The following ACACB variants were observed in gnomAD, a reference collection of about 807,000 sequenced individuals.
The protein encoded by ACACB is acetyl-CoA carboxylase 2.
Under a neutral mutation model 278.8 loss-of-function variants are expected in ACACB, and 209 were observed. The ratio of observed to expected loss-of-function variants is 0.75; its 90% CI spans 0.67 to 0.84. ACACB has a LOEUF of 0.84. Ranked by LOEUF, ACACB falls within the 40% of genes least tolerant of loss-of-function variation. ACACB has a pLI of 0.00. For missense variants in ACACB, 2,850 were observed against 3,269.0 expected (o/e 0.87, Z 3.13); for synonymous variants, 1,174 against 1,285.6 (o/e 0.91, Z 1.86).
intron 46 of ACACB, 49 bp downstream of exon 46, chr12:109,258,413 G>A (rs565513116): frequency 3.6e-5 from 54 of 1,510,768 alleles, no homozygotes; most frequent in Middle Eastern, 2.3e-4. Flanking sequence ...CGGTACTGTC[G>A]AGAGTGGGTC....
chr12:109,170,881 G>T (rs1222808126), intron 4 of ACACB, among the ~76,000 whole-genome samples: 1 of 151,986 alleles, frequency 6.6e-6, no homozygotes, highest in African/African-American at 2.4e-5. Context: ...CTGTCACCCA[G>T]GCTGGAGCGC....
At chr12:109,167,418 C>A in intron 3 of ACACB, 1 of 156,976 alleles carries the variant, frequency 6.4e-6, no homozygotes, top group Non-Finnish European at 1.4e-5. Flanking sequence ...GACGACATGA[C>A]AAAATCCTGT....
intron 37 of ACACB, among the ~76,000 whole-genome samples, chr12:109,243,634 T>C (rs1437377912): frequency 1.3e-5 from 2 of 152,052 alleles, no homozygotes; most frequent in African/African-American, 4.8e-5. Context: ...TAATGTTTTA[T>C]TATGTTTTTC....
chr12:109,222,384 G>A, intron 24 of ACACB, 123 bp from the exon 25 acceptor site: 2 of 795,326 alleles, frequency 2.5e-6, no homozygotes, highest in Admixed American at 4.0e-5. Context: ...GCTGTGCTGG[G>A]CCTGTTTGGA....
intron 2 of ACACB, among the ~76,000 whole-genome samples, chr12:109,156,486 CTA>C (rs975371753): frequency 4.6e-5 from 7 of 151,636 alleles, no homozygotes; most frequent in African/African-American, 7.3e-5. Flanking sequence ...AATGGTTGTG[CTA>C]TTGCACTCCA....
intron 47 of ACACB, chr12:109,259,988 A>G (rs183115289): frequency 1.8e-6 from 2 of 1,102,362 alleles, no homozygotes; most frequent in African/African-American, 1.6e-5. Context: ...GGGCCGAGGT[A>G]AGAGTCTGAT....
chr12:109,197,930 T>C (rs140056073), intron 17 of ACACB, among the ~76,000 whole-genome samples: 52 of 152,288 alleles, frequency 3.4e-4, no homozygotes, highest in African/African-American at 1.0e-3. Context: ...GGTCTCGCTC[T>C]GTCACCCAGG....
chr12:109,114,281 T>C (rs1035408604), upstream of ACACB, among the ~76,000 whole-genome samples: 1 of 152,162 alleles, frequency 6.6e-6, no homozygotes, highest in African/African-American at 2.4e-5. Context: ...GTTCTCTGCT[T>C]GTTAGTTGTG....
intron 9 of ACACB, 37 bp from the exon 10 acceptor site, chr12:109,179,050 TC>T: frequency 6.3e-7 from 1 of 1,589,494 alleles, no homozygotes; most frequent in Non-Finnish European, 8.6e-7. Context: ...AGAGCTGGTT[TC>T]CCCATGAAGA....
At chr12:109,198,794 T>C (rs959714538) in intron 17 of ACACB, among the ~76,000 whole-genome samples, 1 of 152,144 alleles carries the variant, frequency 6.6e-6, no homozygotes, top group Admixed American at 6.5e-5. Context: ...CTATTTTTTT[T>C]TTTTTATTTT....
chr12:109,164,875 G>A (rs1178983696), intron 2 of ACACB, among the ~76,000 whole-genome samples: 7 of 151,664 alleles, frequency 4.6e-5, no homozygotes, highest in Non-Finnish European at 8.8e-5. Context: ...GAGCCACCAC[G>A]CCTGGCCCTG....
intron 18 of ACACB, among the ~76,000 whole-genome samples, chr12:109,200,953 G>T (rs968621810): frequency 1.3e-5 from 2 of 151,208 alleles, no homozygotes; most frequent in Admixed American, 1.3e-4. Flanking sequence ...CAGAGGTATT[G>T]GTGGGGGCAG....
At chr12:109,191,997 G>A (rs376058149) in intron 15 of ACACB, 47 bp downstream of exon 15, 46 of 1,577,220 alleles carry the variant, frequency 2.9e-5, no homozygotes, top group African/African-American at 9.4e-5. Flanking sequence ...ATGTGTTAGC[G>A]GCTTAGGAGG....
At chr12:109,198,937 C>T (rs573972423) in intron 17 of ACACB, among the ~76,000 whole-genome samples, 1 of 152,140 alleles carries the variant, frequency 6.6e-6, no homozygotes, top group Non-Finnish European at 1.5e-5. Flanking sequence ...TCTGTAATCC[C>T]AGCACTTTGG....
chr12:109,257,402 TA>T (rs1340661815), intron 45 of ACACB, among the ~76,000 whole-genome samples: 23 of 151,776 alleles, frequency 1.5e-4, no homozygotes, highest in Admixed American at 1.4e-3. Flanking sequence ...CATCATAGGG[TA>T]AACGAGAACC....
chr12:109,185,892 G>T, intron 12 of ACACB, 152 bp downstream of exon 12: 1 of 651,858 alleles, frequency 1.5e-6, no homozygotes, highest in South Asian at 2.9e-5. Context: ...GACATCCCAT[G>T]GTTTATTTGA....
chr12:109,265,054 C>T (rs1206110461), intron 50 of ACACB, 56 bp from the exon 51 acceptor site: 23 of 1,553,088 alleles, frequency 1.5e-5, no homozygotes, highest in Non-Finnish European at 1.6e-5. Context: ...GTGGTCAGAG[C>T]CAGTGTCCCG....
intron 1 of ACACB, among the ~76,000 whole-genome samples, chr12:109,130,421 G>C (rs1384466011): frequency 6.6e-6 from 1 of 152,232 alleles, no homozygotes; most frequent in Non-Finnish European, 1.5e-5. Flanking sequence ...CCCGGTGACA[G>C]TTGACTTTGG....
At chr12:109,157,272 G>GTTGTTATTA (rs148495637) in intron 2 of ACACB, among the ~76,000 whole-genome samples, 27 of 143,166 alleles carry the variant, frequency 1.9e-4, no homozygotes, top group Admixed American at 5.6e-4. Flanking sequence ...TTCTAGAGTT[G>GTTGTTATTA]TTATTATTAT....
Sources: gnomAD v4.1 joint callset for allele counts (sites outside exome capture counted in the v4.1 genomes callset) on GRCh38, gnomAD v4.1.1 for gene constraint, MANE v1.5 for transcripts, NCBI Gene and HGNC (gene_info 2026-07-23, HGNC 2026-07-21) for gene names.